LAMB4: variants seen among roughly 807,000 people sequenced by gnomAD.
LAMB4 encodes the protein laminin subunit beta-4.
LAMB4 carries 196 observed loss-of-function variants against 199.2 expected under a neutral mutation model. The ratio of observed to expected loss-of-function variants is 0.98; its 90% CI spans 0.88 to 1.11. LAMB4 has a LOEUF of 1.11. Among genes scored for constraint, LAMB4 ranks in the 50% least tolerant of loss-of-function variants. LAMB4 has a pLI of 0.00. For missense variants in LAMB4, 2,080 were observed against 2,171.2 expected (o/e 0.96, Z 0.83); for synonymous variants, 744 against 770.6 (o/e 0.97, Z 0.57).
rs769798158 is a variant in LAMB4 at position 108,043,749 on chromosome 7, T to C, written c.4471+3A>G. The C allele has an allele frequency of 6.5e-7, 1 of 1,549,906 alleles. No individual in the cohort carries two copies. The highest frequency in any genetic ancestry group is 1.2e-5 in the South Asian group (1 of 86,016). On this transcript the variant is annotated splice_donor_region_variant and intron_variant, in intron 29 of 33. Coordinates refer to ENST00000388781, the MANE Select transcript of LAMB4 (RefSeq NM_007356.3). The stretch of plus-strand genomic sequence containing the variant: ...CTAGTCCTAATATATATTTTTAAAT[T>C]ACCTAACAAAAAGTTTTTCACTTTT...
At chr7:108,100,657 G>A (rs1375998182) in intron 10 of LAMB4, among the ~76,000 whole-genome samples, 1 of 152,052 alleles carries the variant, frequency 6.6e-6, no homozygotes, top group African/African-American at 2.4e-5. Context: ...CAAAATATTT[G>A]GTTTGTTATT....
chr7:108,034,263 G>C lies in LAMB4; in HGVS notation c.4763C>G (p.Ser1588Cys). The C allele has an allele frequency of 6.2e-7, 1 of 1,613,922 alleles. No homozygotes were observed. The highest frequency in any genetic ancestry group is 8.5e-7 in the Non-Finnish European group (1 of 1,179,870). Residue 1588 changes from serine to cysteine, a missense_variant, in exon 31 of 34, where the codon TCT (serine) becomes TGT (cysteine). By Grantham distance (112) the Ser-to-Cys change is moderately radical. Transcript: ENST00000388781. ...QAQITQGRAN[S>C]TITQLTANIT... ...ATTGGCAGTCAGCTGTGTAATGGTA[G>C]AGTTTGCCCGTCCTTGAGTGATTTG...
intron 10 of LAMB4, among the ~76,000 whole-genome samples, chr7:108,099,466 G>A (rs1032768201): frequency 6.6e-6 from 1 of 152,200 alleles, no homozygotes; most frequent in Non-Finnish European, 1.5e-5. Flanking sequence ...CTCTCAAATA[G>A]TTAGGGGTGC....
At chr7:108,106,196 TC>T (rs1184304233) in intron 7 of LAMB4, among the ~76,000 whole-genome samples, 165 bp from the exon 8 acceptor site, 3 of 152,096 alleles carry the variant, frequency 2.0e-5, no homozygotes, top group Non-Finnish European at 4.4e-5. Context: ...GGCAGGAGGA[TC>T]CCTTGAGCTC....
intron 28 of LAMB4, among the ~76,000 whole-genome samples, chr7:108,045,642 G>A (rs1469972576): frequency 6.6e-6 from 1 of 152,152 alleles, no homozygotes; most frequent in Non-Finnish European, 1.5e-5. Context: ...TTTTGAGAAG[G>A]AGCAATATAA....
At chr7:108,050,448 A>G (rs998177237) in intron 26 of LAMB4, among the ~76,000 whole-genome samples, 5 of 152,180 alleles carry the variant, frequency 3.3e-5, no homozygotes, top group African/African-American at 4.8e-5. Context: ...TTGACTCCAG[A>G]GCCTGTGTTC....
In LAMB4 at chr7:108,051,537, C is replaced by T. The variant is rs115139474; in HGVS notation, c.3916+560G>A. ...GGAGATGAACTAATCAAAAGTTTTG[C>T]TTTAGAGTTCCATTTCTCTTGCAAA... On this transcript the variant is annotated intron_variant, in intron 26 of 33. Transcript: ENST00000388781. 6.2e-3 allele frequency among the ~76,000 whole-genome samples: 937 copies of T among 152,202 alleles called. 9 individuals are homozygous for T. Among genetic ancestry groups the T allele is most frequent in the African/African-American group, 0.021 (888 of 41,512 alleles).
intron 14 of LAMB4, among the ~76,000 whole-genome samples, chr7:108,080,231 T>C (rs768945547): frequency 1.3e-4 from 20 of 152,208 alleles, no homozygotes; most frequent in Non-Finnish European, 2.5e-4. Flanking sequence ...ACTTCTTCCA[T>C]GCAAAATGAG....
At chr7:108,117,094 A>C (rs1163016955) in intron 2 of LAMB4, among the ~76,000 whole-genome samples, 3 of 152,246 alleles carry the variant, frequency 2.0e-5, no homozygotes, top group African/African-American at 7.2e-5. Context: ...AACATGTCTT[A>C]CTTAGAGATT....
At position 108,123,185 on chromosome 7, in the gene LAMB4, A is replaced by C; in HGVS notation, c.-21T>G. The C allele has an allele frequency of 6.2e-7, 1 of 1,602,494 alleles. No homozygotes were observed. Among genetic ancestry groups the C allele is most frequent in the Non-Finnish European group, 8.5e-7 (1 of 1,173,700 alleles). On this transcript the variant is annotated 5_prime_UTR_variant, in exon 2 of 34. Transcript: ENST00000388781. ...TGCATTCTTTTGTCAGGAGATGATT[A>C]AATTCAATTCTACTGGGTTAAAAAA...
At chr7:108,082,017 AC>A (rs1307671806) in intron 14 of LAMB4, among the ~76,000 whole-genome samples, 2 of 152,226 alleles carry the variant, frequency 1.3e-5, no homozygotes, top group African/African-American at 4.8e-5. Flanking sequence ...AATATTCTTC[AC>A]AAGCATTAAT....
intron 29 of LAMB4, among the ~76,000 whole-genome samples, chr7:108,040,655 TG>T (rs1584609536): frequency 6.6e-6 from 1 of 152,214 alleles, no homozygotes; most frequent in East Asian, 1.9e-4. Flanking sequence ...AACCAAGAAA[TG>T]GGGAAAAGAC....
At chr7:108,079,535 T>C (rs1418712682) in intron 15 of LAMB4, 66 bp downstream of exon 15, 1 of 1,302,792 alleles carries the variant, frequency 7.7e-7, no homozygotes, top group Non-Finnish European at 1.1e-6. Context: ...AAGGCTGAAA[T>C]GGAAACAGTT....
chr7:108,030,311 A>G, intron 32 of LAMB4, among the ~76,000 whole-genome samples: 1 of 152,198 alleles, frequency 6.6e-6, no homozygotes, highest in East Asian at 1.9e-4. Flanking sequence ...TGCTAGGAAA[A>G]TGAGCTGATA....
At chr7:108,030,663 G>C in intron 32 of LAMB4, 143 bp downstream of exon 32, 3 of 746,806 alleles carry the variant, frequency 4.0e-6, no homozygotes, top group Non-Finnish European at 6.6e-6. Context: ...TTGTGCATCA[G>C]GATCCCCTCA....
chr7:108,062,151 G>A (rs923839833), intron 23 of LAMB4, among the ~76,000 whole-genome samples: 2 of 152,114 alleles, frequency 1.3e-5, no homozygotes, highest in African/African-American at 4.8e-5. Context: ...TTTCCCACAA[G>A]TAATGTTATC....
chr7:108,037,342 C>A (rs1489237092), intron 30 of LAMB4, 46 bp downstream of exon 30: 1 of 1,423,496 alleles, frequency 7.0e-7, no homozygotes, highest in Admixed American at 1.8e-5. Context: ...GTCCTTTCAG[C>A]AGATGGTCTG....
At chr7:108,027,530 A>T (rs907947070) in intron 33 of LAMB4, among the ~76,000 whole-genome samples, 1 of 152,118 alleles carries the variant, frequency 6.6e-6, no homozygotes, top group African/African-American at 2.4e-5. Flanking sequence ...AAGGCCAAAG[A>T]CTCATTTGAT....
chr7:108,028,770 C>G (rs1489540185), intron 33 of LAMB4, among the ~76,000 whole-genome samples: 1 of 151,890 alleles, frequency 6.6e-6, no homozygotes, highest in Non-Finnish European at 1.5e-5. Context: ...AGCCACTGTG[C>G]CCAGCCAAAA....
Sources: gnomAD v4.1 joint callset for allele counts (sites outside exome capture counted in the v4.1 genomes callset) on GRCh38, gnomAD v4.1.1 for gene constraint, MANE v1.5 for transcripts, NCBI Gene and HGNC (gene_info 2026-07-23, HGNC 2026-07-21) for gene names.